The following KIFAP3 variants were observed in gnomAD, a reference collection of about 807,000 sequenced individuals.
KIFAP3 encodes the protein kinesin associated protein 3.
In KIFAP3, 68 loss-of-function variants were observed where a neutral mutation model predicts 106.5. That is an observed-to-expected ratio of 0.64 (90% confidence interval 0.53 to 0.78). The LOEUF is 0.78. Ranked by LOEUF, KIFAP3 falls within the 30% of genes least tolerant of loss-of-function variation. The pLI is 0.00. For missense variants in KIFAP3, 780 were observed against 941.8 expected (o/e 0.83, Z 2.25); for synonymous variants, 320 against 311.5 (o/e 1.03, Z -0.29).
intron 11 of KIFAP3, among the ~76,000 whole-genome samples, chr1:169,991,699 T>A (rs1372990239): frequency 6.6e-6 from 1 of 152,124 alleles, no homozygotes; most frequent in African/African-American, 2.4e-5. Context: ...TATCTCACAT[T>A]ATTTTCATTT....
chr1:170,047,355 T>C (rs1392018326), intron 2 of KIFAP3, among the ~76,000 whole-genome samples: 2 of 151,836 alleles, frequency 1.3e-5, no homozygotes, highest in Non-Finnish European at 2.9e-5. Flanking sequence ...GCACGGTGGT[T>C]CACGCCTGTA....
At chr1:169,992,277 G>A (rs758086122) in intron 10 of KIFAP3, 22 bp from the exon 11 acceptor site, 31 of 1,270,706 alleles carry the variant, frequency 2.4e-5, no homozygotes, top group Admixed American at 4.3e-5. Flanking sequence ...ACATCATGGT[G>A]ATGATGCTAT....
chr1:170,010,071 G>C (rs1225464625), intron 10 of KIFAP3, among the ~76,000 whole-genome samples: 3 of 151,896 alleles, frequency 2.0e-5, no homozygotes, highest in Non-Finnish European at 4.4e-5. Flanking sequence ...TCAAAGTATA[G>C]GAATGATAGA....
At chr1:170,079,294 T>C (rs1054447285), upstream of KIFAP3, among the ~76,000 whole-genome samples, 20 of 152,176 alleles carry the variant, frequency 1.3e-4, no homozygotes, top group Non-Finnish European at 1.6e-4. Context: ...CCATCTTGAA[T>C]GGAAGCAGCC....
At chr1:170,015,924 C>T (rs1365123360) in intron 10 of KIFAP3, among the ~76,000 whole-genome samples, 1 of 152,080 alleles carries the variant, frequency 6.6e-6, no homozygotes, top group African/African-American at 2.4e-5. Flanking sequence ...CTTTCTAAGT[C>T]ATGCTATAAA....
At chr1:169,967,520 G>A (rs567129532) in intron 17 of KIFAP3, among the ~76,000 whole-genome samples, 2 of 151,808 alleles carry the variant, frequency 1.3e-5, no homozygotes, top group Admixed American at 1.3e-4. Context: ...AAAGAACATT[G>A]GATTAGGAGT....
At chr1:170,076,875 T>C (rs1326582576), upstream of KIFAP3, among the ~76,000 whole-genome samples, 1 of 152,198 alleles carries the variant, frequency 6.6e-6, no homozygotes, top group Non-Finnish European at 1.5e-5. Context: ...TACTTTACAA[T>C]GAGGAGATCT....
At chr1:169,970,003 A>T (rs1286659876) in intron 17 of KIFAP3, among the ~76,000 whole-genome samples, 1 of 152,054 alleles carries the variant, frequency 6.6e-6, no homozygotes, top group Non-Finnish European at 1.5e-5. Flanking sequence ...AGGTTCTCAA[A>T]TACTTCACAC....
At chr1:169,996,360 A>C (rs1466188417) in intron 10 of KIFAP3, among the ~76,000 whole-genome samples, 1 of 152,200 alleles carries the variant, frequency 6.6e-6, no homozygotes, top group Non-Finnish European at 1.5e-5. Context: ...AGTTAAGAGA[A>C]GCTCTAGGGA....
chr1:170,012,963 C>T (rs2101991932), intron 10 of KIFAP3, among the ~76,000 whole-genome samples: 1 of 152,170 alleles, frequency 6.6e-6, no homozygotes, highest in East Asian at 1.9e-4. Flanking sequence ...CCTGGCCCGG[C>T]CCTTGAAACG....
At chr1:169,975,594 C>T (rs928031586) in intron 16 of KIFAP3, among the ~76,000 whole-genome samples, 2 of 151,904 alleles carry the variant, frequency 1.3e-5, no homozygotes, top group Non-Finnish European at 2.9e-5. Flanking sequence ...AACTCCAAAA[C>T]ATTTTTTAAA....
At chr1:170,012,842 A>G (rs1486472894) in intron 10 of KIFAP3, among the ~76,000 whole-genome samples, 1 of 152,134 alleles carries the variant, frequency 6.6e-6, no homozygotes, top group East Asian at 1.9e-4. Context: ...GGCAGACAAG[A>G]AGAGCTTGTG....
chr1:170,038,488 A>G (rs1669802532), intron 4 of KIFAP3, 57 bp from the exon 5 acceptor site: 11 of 1,533,816 alleles, frequency 7.2e-6, no homozygotes, highest in Admixed American at 2.1e-5. Flanking sequence ...CCACTGTCAA[A>G]GAAATGTTAT....
chr1:169,928,576 G>T (rs1246353691), intron 19 of KIFAP3, among the ~76,000 whole-genome samples: 1 of 150,786 alleles, frequency 6.6e-6, no homozygotes, highest in African/African-American at 2.4e-5. Flanking sequence ...GCACACCCAT[G>T]GTCCCAGCTA....
intron 10 of KIFAP3, among the ~76,000 whole-genome samples, chr1:170,012,389 A>G (rs775425202): frequency 4.6e-5 from 7 of 152,188 alleles, no homozygotes; most frequent in Non-Finnish European, 8.8e-5. Flanking sequence ...GAACAATAAC[A>G]GCTACACACA....
At chr1:169,928,764 G>C (rs995054701) in intron 19 of KIFAP3, among the ~76,000 whole-genome samples, 12 of 146,020 alleles carry the variant, frequency 8.2e-5, no homozygotes, top group Non-Finnish European at 1.5e-4. Flanking sequence ...GACTAAAGGA[G>C]AAGAATTTGA....
chr1:169,982,772 T>G lies in KIFAP3; in HGVS notation c.1602A>C (p.Pro534=), dbSNP rs1053655639. ...CLGTLANLTI[P]DLDWELVLKE... The stretch of plus-strand genomic sequence containing the variant: ...TAAGAACCAATTCCCAGTCTAAGTC[T>G]GGAATGGTCAAGTTTGCAAGAGTTC... Residue 534 remains proline, a synonymous_variant, in exon 14 of 20, where the codon CCA becomes CCC. Transcript: ENST00000361580. 5.6e-6 allele frequency: 9 copies of G among 1,610,400 alleles called. No individual in the cohort carries two copies. The South Asian group carries it at 8.8e-5, about 16-fold the overall frequency.
intron 17 of KIFAP3, among the ~76,000 whole-genome samples, chr1:169,966,787 A>G (rs1267666361): frequency 6.6e-6 from 1 of 151,786 alleles, no homozygotes; most frequent in Non-Finnish European, 1.5e-5. Context: ...GAGATATTGG[A>G]CTTGTGCCAT....
chr1:169,942,200 A>T (rs911587211), intron 19 of KIFAP3, among the ~76,000 whole-genome samples: 2 of 152,240 alleles, frequency 1.3e-5, no homozygotes, highest in African/African-American at 4.8e-5. Context: ...AGTAAGTACA[A>T]ACTTATGTTG....
Sources: gnomAD v4.1 joint callset for allele counts (sites outside exome capture counted in the v4.1 genomes callset) on GRCh38, gnomAD v4.1.1 for gene constraint, MANE v1.5 for transcripts, NCBI Gene and HGNC (gene_info 2026-07-23, HGNC 2026-07-21) for gene names.